The following LUZP2 variants were observed in gnomAD, a reference collection of about 807,000 sequenced individuals.
LUZP2 encodes the protein leucine zipper protein 2.
LUZP2 carries 52 observed loss-of-function variants against 51.6 expected under a neutral mutation model. That is an observed-to-expected ratio of 1.01 (90% CI 0.81 to 1.27). The LOEUF is 1.27. LUZP2 is among the 50% of genes most tolerant of loss of function. LUZP2 has a pLI of 0.00. For missense variants in LUZP2, 436 were observed against 395.4 expected, an observed-to-expected ratio of 1.10 and a Z score of -0.87; for synonymous variants, 154 against 137.3, an observed-to-expected ratio of 1.12 and a Z score of -0.85.
At position 24,905,330 on chromosome 11, in the gene LUZP2, G is replaced by A. The variant is rs191412254; in HGVS notation, c.397-661G>A. On this transcript the variant is annotated intron_variant, in intron 5 of 11. Transcript: ENST00000336930. ...CACCTGAGGTCAGAGTTCAAGACCA[G>A]CCTGGCCAACATGGCGAAACCTCAT... is the stretch of plus-strand genomic sequence containing the variant. 4.9e-3 allele frequency among the ~76,000 whole-genome samples: 752 copies of A among 152,162 alleles called. 4 individuals are homozygous for A. Among genetic ancestry groups the A allele is most frequent in the Non-Finnish European group, 7.2e-3 (487 of 68,006 alleles).
intron 1 of LUZP2, among the ~76,000 whole-genome samples, chr11:24,655,356 T>C (rs1247943247): frequency 6.6e-6 from 1 of 152,150 alleles, no homozygotes; most frequent in Non-Finnish European, 1.5e-5. Flanking sequence ...TGTAGTGATA[T>C]CAAGATTTCA....
chr11:24,887,721 T>C (rs527807195), intron 5 of LUZP2, among the ~76,000 whole-genome samples: 29 of 152,356 alleles, frequency 1.9e-4, no homozygotes, highest in Non-Finnish European at 3.4e-4. Context: ...CCTATTGCTC[T>C]CTTTAGTACA....
chr11:24,537,231 C>T (rs975245905), intron 1 of LUZP2, among the ~76,000 whole-genome samples: 1 of 151,836 alleles, frequency 6.6e-6, no homozygotes, highest in Non-Finnish European at 1.5e-5. Flanking sequence ...AGTAAAATGG[C>T]ACTGATAGGC....
chr11:24,504,313 A>T lies in LUZP2; in HGVS notation c.62+7008A>T, dbSNP rs114190983. Among the ~76,000 whole-genome samples the T allele has an allele frequency of 9.7e-3, 1,472 of 152,290 alleles. 22 individuals are homozygous for T. Among genetic ancestry groups the T allele is most frequent in the African/African-American group, 0.031 (1,298 of 41,558 alleles). The stretch of plus-strand genomic sequence containing the variant: ...CCTAAATATGTTCATACCTGGCTTT[A>T]ATATAAGGTTACATTACATTTTCTT... On this transcript the variant is annotated intron_variant, in intron 1 of 11. Transcript: ENST00000336930.
At chr11:24,717,866 CTGTG>C (rs1858114972) in intron 1 of LUZP2, among the ~76,000 whole-genome samples, 1 of 19,872 alleles carries the variant, frequency 5.0e-5, no homozygotes, top group Admixed American at 7.7e-4. Context: ...TTTTCTGTTC[CTGTG>C]TTAGTTTGCT....
rs1463793224 is a variant in LUZP2, at chr11:24,981,282, A to G, written c.598-1844A>G. 2.0e-5 allele frequency among the ~76,000 whole-genome samples: 3 copies of G among 151,868 alleles called. No homozygotes were observed. In the East Asian group the frequency reaches 5.9e-4, roughly 30 times the overall value. On this transcript the variant is annotated intron_variant, in intron 8 of 11. Coordinates refer to ENST00000336930, the MANE Select transcript of LUZP2 (RefSeq NM_001009909.4). ...CAATTCGGACCTGAGGGTTTCCCCC[A>G]TTTTTAGACCATATAGGGTAACTTT...
At chr11:24,596,475 C>G (rs960791888) in intron 1 of LUZP2, among the ~76,000 whole-genome samples, 2 of 152,130 alleles carry the variant, frequency 1.3e-5, no homozygotes, top group Non-Finnish European at 2.9e-5. Flanking sequence ...GTTTAGGGAA[C>G]AGCAGCAGTG....
chr11:24,976,643 T>C lies in LUZP2; in HGVS notation c.575T>C (p.Leu192Pro). ...EQKLAVAKNE[L>P]EKAALDRESQ... ...AAATTAGCTGTAGCCAAAAATGAAC[T>C]GGAGAAAGCAGCTCTTGACAGGGTA... The change falls in exon 8 of 12, where the codon CTG becomes CCG. Residue 192 changes from leucine (L) to proline (P), a missense_variant. Coordinates refer to ENST00000336930, the MANE Select transcript of LUZP2 (RefSeq NM_001009909.4). 1 of 1,575,516 alleles carries C rather than the reference T, an allele frequency of 6.3e-7. No homozygotes were observed. Among genetic ancestry groups the C allele is most frequent in the Middle Eastern group, 1.7e-4 (1 of 5,844 alleles).
chr11:24,946,343 A>G (rs1228925919), intron 7 of LUZP2, among the ~76,000 whole-genome samples: 2 of 151,940 alleles, frequency 1.3e-5, no homozygotes, highest in African/African-American at 4.8e-5. Flanking sequence ...TGATGCAATT[A>G]TTAATATAAT....
At chr11:24,929,921 T>C (rs1416299498) in intron 7 of LUZP2, among the ~76,000 whole-genome samples, 1 of 152,098 alleles carries the variant, frequency 6.6e-6, no homozygotes, top group Non-Finnish European at 1.5e-5. Context: ...CAGTGTTAGG[T>C]GCTTATATAT....
intron 1 of LUZP2, among the ~76,000 whole-genome samples, chr11:24,606,513 A>G (rs77000878): frequency 0.027 from 4,176 of 152,130 alleles, 158 homozygotes; most frequent in East Asian, 0.12. Context: ...ACTCACTATC[A>G]TATGAGTGAC....
intron 4 of LUZP2, among the ~76,000 whole-genome samples, chr11:24,755,807 GACAA>G (rs1859751369): frequency 6.6e-6 from 1 of 152,112 alleles, no homozygotes; most frequent in East Asian, 1.9e-4. Flanking sequence ...AACATCGCAT[GACAA>G]ATAAAGAAGG....
At chr11:24,898,049 T>C (rs1853141056) in intron 5 of LUZP2, among the ~76,000 whole-genome samples, 2 of 152,170 alleles carry the variant, frequency 1.3e-5, no homozygotes, top group Admixed American at 6.6e-5. Flanking sequence ...TAGTAACATA[T>C]AGTTGAATGG....
intron 11 of LUZP2, among the ~76,000 whole-genome samples, chr11:25,077,900 G>A (rs117461653): frequency 6.6e-6 from 1 of 152,082 alleles, no homozygotes; most frequent in East Asian, 1.9e-4. Flanking sequence ...CTTTTCCAAG[G>A]CTGCTCTGCT....
intron 5 of LUZP2, among the ~76,000 whole-genome samples, chr11:24,807,546 G>A (rs1221213050): frequency 1.3e-5 from 2 of 151,732 alleles, no homozygotes; most frequent in Non-Finnish European, 2.9e-5. Flanking sequence ...TAAAGACCCA[G>A]GGAAAGCTGT....
chr11:24,708,693 A>G (rs1283204565), intron 1 of LUZP2, among the ~76,000 whole-genome samples: 3 of 152,178 alleles, frequency 2.0e-5, no homozygotes, highest in African/African-American at 7.2e-5. Flanking sequence ...TCAGAAGCCC[A>G]AAGTATGATT....
At chr11:24,857,539 T>A (rs1851607549) in intron 5 of LUZP2, among the ~76,000 whole-genome samples, 1 of 147,368 alleles carries the variant, frequency 6.8e-6, no homozygotes, top group Admixed American at 7.0e-5. Context: ...AAAGCCCTTT[T>A]TCAGGTGCAT....
chr11:24,812,091 G>T (rs1044145569), intron 5 of LUZP2, among the ~76,000 whole-genome samples: 1 of 152,044 alleles, frequency 6.6e-6, no homozygotes, highest in Non-Finnish European at 1.5e-5. Flanking sequence ...TTTCTCACCT[G>T]GATATAAAAA....
At chr11:25,058,006 A>T (rs1858736204) in intron 10 of LUZP2, among the ~76,000 whole-genome samples, 1 of 151,682 alleles carries the variant, frequency 6.6e-6, no homozygotes, top group Admixed American at 6.6e-5. Flanking sequence ...TTGTTGGTAG[A>T]TCCAATGCTT....
Sources: gnomAD v4.1 joint callset for allele counts (sites outside exome capture counted in the v4.1 genomes callset) on GRCh38, gnomAD v4.1.1 for gene constraint, MANE v1.5 for transcripts, NCBI Gene and HGNC (gene_info 2026-07-23, HGNC 2026-07-21) for gene names.